KDM1B: variants seen among roughly 807,000 people sequenced by gnomAD.
The protein encoded by KDM1B is lysine-specific histone demethylase 2.
A neutral mutation model predicts 107.4 loss-of-function variants in KDM1B; 63 were observed. The ratio of observed to expected loss-of-function variants is 0.59; its 90% confidence interval spans 0.48 to 0.72. The LOEUF (loss-of-function observed/expected upper bound fraction) is 0.72, where lower values mean the gene tolerates loss of function less well. Among genes scored for constraint, KDM1B ranks in the 30% least tolerant of loss-of-function variants. The pLI is 0.00. For synonymous variants in KDM1B, 363 were observed against 363.9 expected (o/e 1.00, Z 0.03); for missense variants, 749 against 1,020.8 (o/e 0.73, Z 3.63).
intron 21 of KDM1B, among the ~76,000 whole-genome samples, chr6:18,221,095 C>G (rs908586304): frequency 2.6e-5 from 4 of 152,014 alleles, no homozygotes; most frequent in Admixed American, 6.6e-5. Flanking sequence ...TTTCTCCCCC[C>G]ACTAGTCACT....
Position 18,200,185 on chromosome 6 carries a change from A to C in KDM1B, c.1222-254A>C, listed in dbSNP as rs79777313. Among the ~76,000 whole-genome samples, 1 of 152,182 alleles carries C rather than the reference A, an allele frequency of 6.6e-6. No homozygotes were observed. The highest frequency in any genetic ancestry group is 1.5e-5 in the Non-Finnish European group (1 of 68,024). The stretch of plus-strand genomic sequence containing the variant: ...TATCGCATCTGGCCTAGTTCATCAA[A>C]TCTTAGTATCTGGTTTGAGTGATTC... On this transcript the variant is annotated intron_variant, in intron 12 of 21. Coordinates refer to ENST00000650836, the MANE Select transcript of KDM1B (RefSeq NM_001364614.2). The surrounding 1 kb of genome is among the most constrained non-coding windows in gnomAD (Gnocchi z 4.3).
intron 7 of KDM1B, among the ~76,000 whole-genome samples, chr6:18,185,105 A>G (rs111857320): frequency 2.6e-5 from 4 of 152,306 alleles, no homozygotes; most frequent in African/African-American, 9.6e-5. Context: ...CAGATATACA[A>G]GAGTCTCTCT....
In KDM1B at chr6:18,162,867, A is replaced by G. The variant is rs1233148990; in HGVS notation, c.248A>G (p.Tyr83Cys). 8.1e-6 allele frequency: 13 copies of G among 1,611,728 alleles called. No individual in the cohort carries two copies. The highest frequency in any genetic ancestry group is 1.1e-5 in the Non-Finnish European group (13 of 1,177,800). ...CAKNGYTSRW[Y>C]HLSCGEHFCN... is the part of the protein sequence containing the mutation. ...AAAAATGGCTACACCTCCCGATGGT[A>G]TCATCTCTCCTGTGGGGAACATTTC... The change falls in exon 5 of 22, where the codon TAT becomes TGT. Residue 83 changes from tyrosine to cysteine, a missense_variant. Coordinates refer to ENST00000650836, the MANE Select transcript of KDM1B (RefSeq NM_001364614.2). The surrounding 1 kb of genome is among the most constrained non-coding windows in gnomAD (Gnocchi z 4.1).
intron 10 of KDM1B, among the ~76,000 whole-genome samples, chr6:18,196,336 A>G (rs1051700049): frequency 2.0e-5 from 3 of 151,804 alleles, no homozygotes; most frequent in Non-Finnish European, 4.4e-5. Context: ...TTATTTGACT[A>G]CCCTGCAGTG....
intron 21 of KDM1B, among the ~76,000 whole-genome samples, chr6:18,220,722 G>C (rs941799606): frequency 1.3e-4 from 20 of 151,966 alleles, no homozygotes; most frequent in Non-Finnish European, 2.9e-4. Context: ...ACATGGCTTA[G>C]ATGGCTTCTT....
intron 10 of KDM1B, among the ~76,000 whole-genome samples, chr6:18,195,733 C>CAAAAA (rs774459443): frequency 2.8e-5 from 3 of 107,874 alleles, no homozygotes; most frequent in Admixed American, 1.0e-4. Flanking sequence ...AACTCCATAT[C>CAAAAA]AAAAAAAAAA....
intron 8 of KDM1B, among the ~76,000 whole-genome samples, chr6:18,187,578 G>C (rs548072530): frequency 6.6e-5 from 10 of 152,250 alleles, no homozygotes; most frequent in Admixed American, 6.5e-4. Context: ...AAAGAATTCT[G>C]TCTGGGAGAC....
In KDM1B at chr6:18,201,462, C is replaced by A. The variant is rs973353878; in HGVS notation, c.1360-24C>A. On this transcript the variant is annotated intron_variant, in intron 13 of 21. Coordinates refer to ENST00000650836, the MANE Select transcript of KDM1B (RefSeq NM_001364614.2). This position sits in a 1 kb window ranked among gnomAD's most constrained non-coding sequence, Gnocchi z 4.3. ...ATTTTTTTCCAGGGAAAATTTTCAC[C>A]TTCTTATTCTTATTATTTTGAAGCT... is the stretch of plus-strand genomic sequence containing the variant. 2.6e-6 allele frequency: 4 copies of A among 1,510,970 alleles called. No individual in the cohort carries two copies. The African/African-American group carries it at 5.6e-5, about 21-fold the overall frequency. The allele number at this position is 1,510,970 out of a possible 1,614,324, so 93.6% of individuals were successfully genotyped here.
chr6:18,174,086 A>G (rs1348730437), intron 7 of KDM1B, among the ~76,000 whole-genome samples: 1 of 152,028 alleles, frequency 6.6e-6, no homozygotes, highest in South Asian at 2.1e-4. Flanking sequence ...GCCCGGCCCT[A>G]TCTTAGCACC....
rs58897300 is a variant in KDM1B, at chr6:18,184,736, C to CTTTTTTTTTTTTTTTTT, written c.535-1028_535-1012dup. ...CTTTGGGTTGTTTCTAGCTTTTTTC[C>CTTTTTTTTTTTTTTTTT]TTTTTTTTTTTTTTTTTTTTTTTTA... On this transcript the variant is annotated intron_variant, in intron 7 of 21. Coordinates refer to ENST00000650836, the MANE Select transcript of KDM1B (RefSeq NM_001364614.2). Among the ~76,000 whole-genome samples the CTTTTTTTTTTTTTTTTT allele has an allele frequency of 1.8e-4, 12 of 65,432 alleles. 3 individuals carry two copies. The highest frequency in any genetic ancestry group is 1.6e-4 in the African/African-American group (3 of 18,336). The allele number at this position is 65,432 out of a possible 152,430, so 42.9% of individuals were successfully genotyped here.
rs1788342193 is a variant in KDM1B, at chr6:18,205,980, A to G, written c.1659+316A>G. Among the ~76,000 whole-genome samples the G allele has an allele frequency of 6.6e-6, 1 of 151,842 alleles. No individual in the cohort carries two copies. Among genetic ancestry groups the G allele is most frequent in the Admixed American group, 6.6e-5 (1 of 15,180 alleles). ...GCACTCCAGCCTGGAGTCTCAAAAT[A>G]AATAAATAAATAAAATACTTGTTTT... On this transcript the variant is annotated intron_variant, in intron 15 of 21. Transcript: ENST00000650836. The surrounding 1 kb of genome is among the most constrained non-coding windows in gnomAD (Gnocchi z 5.7).
In KDM1B at chr6:18,221,935, T is replaced by A. The variant is rs746856827; in HGVS notation, c.2412T>A (p.Thr804=). 1.9e-6 allele frequency: 3 copies of A among 1,609,852 alleles called. No individual in the cohort carries two copies. The highest frequency in any genetic ancestry group is 3.4e-5 in the Admixed American group (2 of 59,540). Residue 804 remains threonine, a synonymous_variant, in exon 22 of 22, where the codon ACT becomes ACA. Transcript: ENST00000650836. The stretch of plus-strand genomic sequence containing the variant: ...CAACAAACAGGCATTTCCCACAAAC[T>A]GTTACAGGGGCATATTTGAGTGGCG... ...GEATNRHFPQ[T]VTGAYLSGVR...
At position 18,213,898 on chromosome 6, in the gene KDM1B, A is replaced by G. The variant is rs1439230495; in HGVS notation, c.2109+117A>G. 2.7e-6 allele frequency: 3 copies of G among 1,127,844 alleles called. No individual in the cohort carries two copies. Among genetic ancestry groups the G allele is most frequent in the South Asian group, 1.4e-5 (1 of 69,846 alleles). The allele number at this position is 1,127,844 out of a possible 1,614,324, so 69.9% of individuals were successfully genotyped here. A position where few individuals can be genotyped will look rare whatever the true frequency, so the allele number is the denominator to read the frequency against. On this transcript the variant is annotated intron_variant, in intron 19 of 21. Coordinates refer to ENST00000650836, the MANE Select transcript of KDM1B (RefSeq NM_001364614.2). This position sits in a 1 kb window ranked among gnomAD's most constrained non-coding sequence, Gnocchi z 5.9. ...CGAACATCATGGAGACCCTGGGTCTATGTTTATATTCTGGGAGGACACTTG... is the reference window on the plus strand; with the variant it reads ...CGAACATCATGGAGACCCTGGGTCTGTGTTTATATTCTGGGAGGACACTTG...
At chr6:18,193,065 G>A (rs898234107) in intron 10 of KDM1B, among the ~76,000 whole-genome samples, 14 of 151,034 alleles carry the variant, frequency 9.3e-5, no homozygotes, top group African/African-American at 2.9e-4. Flanking sequence ...GTGGTGCTGG[G>A]TGGCCTTTAA....
chr6:18,207,525 C>A lies in KDM1B; in HGVS notation c.1787C>A (p.Ser596Tyr). Reference protein sequence around the residue: ...LAEGLDIQLKSPVQCIDYSGD... With the variant: ...LAEGLDIQLKYPVQCIDYSGD... ...GAAGGGCTTGACATTCAACTCAAAT[C>A]TCCAGTGAGTATCAACTGCTGGGAG... Residue 596 changes from serine to tyrosine, a missense_variant, in exon 16 of 22, where the codon TCT (serine) becomes TAT (tyrosine). Coordinates refer to ENST00000650836, the MANE Select transcript of KDM1B (RefSeq NM_001364614.2). The A allele has an allele frequency of 1.2e-6, 2 of 1,614,172 alleles. No individual in the cohort carries two copies. The highest frequency in any genetic ancestry group is 1.7e-6 in the Non-Finnish European group (2 of 1,180,008).
chr6:18,198,652 A>AAAAC (rs1787822260), intron 12 of KDM1B, among the ~76,000 whole-genome samples: 4 of 143,078 alleles, frequency 2.8e-5, no homozygotes, highest in African/African-American at 5.2e-5. Flanking sequence ...AAAAAAAAAA[A>AAAAC]AAAAACAAAA....
intron 17 of KDM1B, 69 bp downstream of exon 17, chr6:18,208,275 T>A (rs1298468028): frequency 1.7e-6 from 2 of 1,157,430 alleles, no homozygotes; most frequent in Non-Finnish European, 2.5e-6. Flanking sequence ...GAAGGACAAA[T>A]CTTTCCTATC....
intron 10 of KDM1B, among the ~76,000 whole-genome samples, chr6:18,196,650 GATGGTGGC>G (rs1787672206): frequency 6.6e-6 from 1 of 152,110 alleles, no homozygotes; most frequent in African/African-American, 2.4e-5. Flanking sequence ...AAAAAAAATG[GATGGTGGC>G]ATCTCTACTA....
chr6:18,178,432 C>T (rs1006245912), intron 7 of KDM1B, among the ~76,000 whole-genome samples: 18 of 148,020 alleles, frequency 1.2e-4, no homozygotes, highest in African/African-American at 3.5e-4. Flanking sequence ...CTTGCTTTGT[C>T]GCCAGGCTGA....
Sources: allele counts gnomAD v4.1 joint callset (sites outside exome capture counted in the v4.1 genomes callset), GRCh38; gene constraint gnomAD v4.1.1; non-coding constraint Gnocchi (gnomAD v3.1); transcripts MANE v1.5; gene names NCBI Gene and HGNC (gene_info 2026-07-23, HGNC 2026-07-21).